The following CDKAL1 variants were observed in gnomAD, a reference collection of about 807,000 sequenced individuals.
CDKAL1 encodes the protein CDKAL1 threonylcarbamoyladenosine tRNA methylthiotransferase, also known as threonylcarbamoyladenosine tRNA methylthiotransferase.
CDKAL1 carries 32 observed loss-of-function variants against 68.2 expected under a neutral mutation model. The observed-to-expected ratio is 0.47, with a 90% CI of 0.35 to 0.63. CDKAL1 has a LOEUF of 0.63. CDKAL1 is among the 30% of genes least tolerant of loss of function. CDKAL1 has a pLI of 0.00. For synonymous variants in CDKAL1, 234 were observed against 244.3 expected (o/e 0.96, Z 0.39); for missense variants, 606 against 696.7 (o/e 0.87, Z 1.47).
chr6:20,904,927 A>T (rs969675219), intron 9 of CDKAL1, among the ~76,000 whole-genome samples: 1 of 152,216 alleles, frequency 6.6e-6, no homozygotes, highest in Non-Finnish European at 1.5e-5. Context: ...AATCAAATCA[A>T]ATCAAAACAA....
At chr6:20,910,400 A>G (rs1762416240) in intron 9 of CDKAL1, among the ~76,000 whole-genome samples, 1 of 152,250 alleles carries the variant, frequency 6.6e-6, no homozygotes, top group Non-Finnish European at 1.5e-5. Flanking sequence ...GGATATGCCT[A>G]GGCTGAAAAT....
At chr6:20,739,495 A>C (rs1773349163) in intron 5 of CDKAL1, 24 bp from the exon 6 acceptor site, 1 of 1,484,672 alleles carries the variant, frequency 6.7e-7, no homozygotes, top group Middle Eastern at 1.7e-4. Context: ...AGGAATTCAC[A>C]TTGTCTTCTC....
chr6:21,092,103 G>C (rs1773056888), intron 12 of CDKAL1, among the ~76,000 whole-genome samples: 3 of 149,918 alleles, frequency 2.0e-5, no homozygotes, highest in Admixed American at 6.7e-5. Flanking sequence ...AGCCAGGATG[G>C]TCTCGATCTC....
At chr6:20,638,904 T>C (rs1415291470) in intron 4 of CDKAL1, among the ~76,000 whole-genome samples, 1 of 152,082 alleles carries the variant, frequency 6.6e-6, no homozygotes, top group Admixed American at 6.6e-5. Context: ...AGTGCTAGGA[T>C]TATAGGCATG....
At chr6:21,018,474 A>G (rs1301855155) in intron 11 of CDKAL1, among the ~76,000 whole-genome samples, 1 of 152,140 alleles carries the variant, frequency 6.6e-6, no homozygotes, top group African/African-American at 2.4e-5. Context: ...ACAAATGTGG[A>G]TATGTTGCTA....
At chr6:20,897,879 T>C (rs1761774026) in intron 9 of CDKAL1, among the ~76,000 whole-genome samples, 1 of 152,054 alleles carries the variant, frequency 6.6e-6, no homozygotes, top group Non-Finnish European at 1.5e-5. Context: ...CATTATTAAT[T>C]AGAAATACAT....
At chr6:20,766,923 G>A (rs576353022) in intron 7 of CDKAL1, among the ~76,000 whole-genome samples, 33 of 152,200 alleles carry the variant, frequency 2.2e-4, no homozygotes, top group African/African-American at 7.5e-4. Context: ...ATACCAAGTA[G>A]ATCAATTAAT....
chr6:21,158,464 G>C (rs1776749971), intron 13 of CDKAL1, among the ~76,000 whole-genome samples: 1 of 152,162 alleles, frequency 6.6e-6, no homozygotes. Context: ...GCTTTGCCAG[G>C]GGGTGGGTTG....
chr6:20,850,496 A>T (rs2150503353), intron 9 of CDKAL1, among the ~76,000 whole-genome samples: 1 of 152,062 alleles, frequency 6.6e-6, no homozygotes, highest in South Asian at 2.1e-4. Context: ...ACTGGAGTGC[A>T]GTGGCATGAT....
chr6:20,858,805 T>G (rs989806846), intron 9 of CDKAL1, among the ~76,000 whole-genome samples: 5 of 152,116 alleles, frequency 3.3e-5, no homozygotes, highest in Non-Finnish European at 7.4e-5. Context: ...GTAATGTATG[T>G]AATGTATGAT....
intron 6 of CDKAL1, among the ~76,000 whole-genome samples, chr6:20,758,274 G>A (rs1284806169): frequency 6.6e-6 from 1 of 152,038 alleles, no homozygotes; most frequent in African/African-American, 2.4e-5. Context: ...GAGAAGACAT[G>A]TGTTAATTAA....
chr6:20,904,285 C>T (rs1762137286), intron 9 of CDKAL1, among the ~76,000 whole-genome samples: 1 of 152,126 alleles, frequency 6.6e-6, no homozygotes. Flanking sequence ...CCTATAACCC[C>T]AACACTTTGG....
chr6:20,714,014 T>C (rs977157612), intron 5 of CDKAL1, among the ~76,000 whole-genome samples: 4 of 152,158 alleles, frequency 2.6e-5, no homozygotes, highest in African/African-American at 9.6e-5. Context: ...TGATTTCTTA[T>C]GACACTTTTT....
chr6:20,690,446 A>G (rs547493263), intron 5 of CDKAL1, among the ~76,000 whole-genome samples: 48 of 152,300 alleles, frequency 3.2e-4, no homozygotes, highest in African/African-American at 1.1e-3. Context: ...AACTCCAGAC[A>G]TATTTTTCAA....
At position 20,557,105 on chromosome 6, in the gene CDKAL1, T is replaced by G. The variant is rs114272762; in HGVS notation, c.286+8400T>G. On this transcript the variant is annotated intron_variant, in intron 4 of 15. Transcript: ENST00000274695. ...AATAAATGAAAAATAAATAAATACA[T>G]AAATAAATAAAAATCCTGACATTAA... 3.7e-3 allele frequency among the ~76,000 whole-genome samples: 552 copies of G among 150,184 alleles called. 6 individuals carry two copies. Among genetic ancestry groups the G allele is most frequent in the African/African-American group, 0.013 (531 of 41,238 alleles).
At chr6:21,173,520 AC>A (rs1176276745) in intron 13 of CDKAL1, among the ~76,000 whole-genome samples, 7 of 152,288 alleles carry the variant, frequency 4.6e-5, no homozygotes, top group African/African-American at 1.7e-4. Flanking sequence ...ATGCATTGAC[AC>A]TCATTGATGA....
At chr6:21,018,055 T>G (rs1189941252) in intron 11 of CDKAL1, among the ~76,000 whole-genome samples, 1 of 152,158 alleles carries the variant, frequency 6.6e-6, no homozygotes, top group Non-Finnish European at 1.5e-5. Context: ...ATAAATTGAT[T>G]GCCAGCAGGG....
At chr6:20,794,246 A>G (rs1776020880) in intron 8 of CDKAL1, among the ~76,000 whole-genome samples, 1 of 151,960 alleles carries the variant, frequency 6.6e-6, no homozygotes, top group South Asian at 2.1e-4. Context: ...TTTTTGGTAT[A>G]GTAGGTGAGA....
chr6:21,230,939 TG>T lies in CDKAL1; in HGVS notation c.1641del (p.Met549CysfsTer10). 6.2e-7 allele frequency: 1 copy of T among 1,614,196 alleles called. No individual in the cohort carries two copies. Among genetic ancestry groups the T allele is most frequent in the Non-Finnish European group, 8.5e-7 (1 of 1,179,998 alleles). ...QCDSASSRMV[L>X]PMPRLHQDCA... is the part of the protein sequence containing the mutation. ...GACTCAGCGAGTTCCAGAATGGTGC[TG>T]CCCATGCCAAGGCTACATCAAGACT... On this transcript the variant is annotated frameshift_variant, in exon 16 of 16. Coordinates refer to ENST00000274695, the MANE Select transcript of CDKAL1 (RefSeq NM_017774.3). LOFTEE classifies it low-confidence loss of function (END_TRUNC).
Sources: gnomAD v4.1 joint callset for allele counts (sites outside exome capture counted in the v4.1 genomes callset) on GRCh38, gnomAD v4.1.1 for gene constraint, MANE v1.5 for transcripts, NCBI Gene and HGNC (gene_info 2026-07-23, HGNC 2026-07-21) for gene names.